The following LDLRAD4 variants were observed in gnomAD, a reference collection of about 807,000 sequenced individuals.
LDLRAD4 encodes the protein low-density lipoprotein receptor class A domain-containing protein 4.
Under a neutral mutation model 17.0 loss-of-function variants are expected in LDLRAD4, and 5 were observed. The ratio of observed to expected loss-of-function variants is 0.29; its 90% confidence interval spans 0.15 to 0.62. The LOEUF (loss-of-function observed/expected upper bound fraction) is 0.62, where lower values mean the gene tolerates loss of function less well. Among genes scored for constraint, LDLRAD4 ranks in the 20% least tolerant of loss-of-function variants. The pLI is 0.84. For missense variants in LDLRAD4, 340 were observed against 424.7 expected (o/e 0.80, Z 1.75); for synonymous variants, 168 against 171.8 (o/e 0.98, Z 0.17).
At chr18:13,453,805 G>A (rs868020392) in intron 3 of LDLRAD4, among the ~76,000 whole-genome samples, 6 of 152,206 alleles carry the variant, frequency 3.9e-5, no homozygotes, top group Middle Eastern at 6.8e-3. Context: ...TCCCAGCCCC[G>A]TCCCCAGTAC....
intron 1 of LDLRAD4, among the ~76,000 whole-genome samples, chr18:13,386,930 AGATAGATAGATAGATAGATG>A (rs1031647437): frequency 6.8e-6 from 1 of 147,748 alleles, no homozygotes; most frequent in Non-Finnish European, 1.5e-5. Context: ...ATAGATAGAT[AGATAGATAGATAGATAGATG>A]GATGGATGGA....
At chr18:13,499,070 A>G (rs7226747) in intron 3 of LDLRAD4, among the ~76,000 whole-genome samples, 2,922 of 145,658 alleles carry the variant, frequency 0.02, 84 homozygotes, top group African/African-American at 0.07. Context: ...CCTTCTCGCC[A>G]TACACATCCC....
intron 1 of LDLRAD4, among the ~76,000 whole-genome samples, chr18:13,359,718 A>G (rs1193446362): frequency 6.6e-6 from 1 of 152,226 alleles, no homozygotes; most frequent in Non-Finnish European, 1.5e-5. Flanking sequence ...TGGTCTTATC[A>G]TCACAGAGAT....
chr18:13,621,251 C>G lies in LDLRAD4; in HGVS notation c.316C>G (p.Arg106Gly), dbSNP rs148805632. 3 of 1,612,810 alleles carry G rather than the reference C, an allele frequency of 1.9e-6. No homozygotes were observed. Among genetic ancestry groups the G allele is most frequent in the Non-Finnish European group, 2.5e-6 (3 of 1,179,846 alleles). ...CAACCGCCCGAACCAGAGCCGGAGG[C>G]GGGAGGACGGGCTGCCGCAGGTGAG... The change falls in exon 4 of 6, where the codon CGG (arginine) becomes GGG (glycine). Residue 106 changes from arginine (R) to glycine (G), a missense_variant. Coordinates refer to ENST00000359446, the Ensembl canonical transcript of LDLRAD4. This position sits in a 1 kb window ranked among gnomAD's most constrained non-coding sequence, Gnocchi z 5.5.
At chr18:13,238,684 C>G (rs1245607200) in intron 1 of LDLRAD4, among the ~76,000 whole-genome samples, 1 of 152,156 alleles carries the variant, frequency 6.6e-6, no homozygotes, top group Non-Finnish European at 1.5e-5. Context: ...ATCTGGGTTA[C>G]TTTTAGGATC....
At chr18:13,559,921 G>A (rs567702252) in intron 3 of LDLRAD4, among the ~76,000 whole-genome samples, 141 of 152,052 alleles carry the variant, frequency 9.3e-4, no homozygotes, top group African/African-American at 3.1e-3. Context: ...TGACCAAGAA[G>A]TGCCTATCTT....
intron 3 of LDLRAD4, among the ~76,000 whole-genome samples, chr18:13,459,653 G>A (rs568104105): frequency 5.3e-5 from 8 of 152,234 alleles, no homozygotes; most frequent in African/African-American, 1.9e-4. Flanking sequence ...AAAGTGCTGG[G>A]ATTACAGCTG....
At chr18:13,346,616 A>G (rs1458229017) in intron 1 of LDLRAD4, among the ~76,000 whole-genome samples, 1 of 152,178 alleles carries the variant, frequency 6.6e-6, no homozygotes, top group Non-Finnish European at 1.5e-5. Context: ...AGCTGAGTTC[A>G]ATTCCTGGAC....
intron 3 of LDLRAD4, among the ~76,000 whole-genome samples, chr18:13,552,003 C>A (rs992756572): frequency 1.3e-5 from 2 of 152,094 alleles, no homozygotes; most frequent in Non-Finnish European, 2.9e-5. Flanking sequence ...GCTTTAATAA[C>A]CAGATATCCT....
chr18:13,441,502 G>A (rs570186054), intron 3 of LDLRAD4, among the ~76,000 whole-genome samples: 1 of 152,226 alleles, frequency 6.6e-6, no homozygotes, highest in African/African-American at 2.4e-5. Context: ...GTTCCCACCT[G>A]GGGGATATAC....
chr18:13,325,662 G>T (rs530170086), intron 1 of LDLRAD4, among the ~76,000 whole-genome samples: 1 of 152,174 alleles, frequency 6.6e-6, no homozygotes. Context: ...ACTCAGCTTC[G>T]CTGCGCACCC....
chr18:13,594,195 G>A (rs1179932250), intron 3 of LDLRAD4, among the ~76,000 whole-genome samples: 1 of 152,148 alleles, frequency 6.6e-6, no homozygotes, highest in Non-Finnish European at 1.5e-5. Context: ...TAGAGCAGGT[G>A]TGTGCCATGA....
intron 3 of LDLRAD4, among the ~76,000 whole-genome samples, chr18:13,441,997 T>C (rs370327708): frequency 6.6e-6 from 1 of 152,238 alleles, no homozygotes; most frequent in South Asian, 2.1e-4. Context: ...AGAGGAAATA[T>C]GCTGTCAGCC....
intron 3 of LDLRAD4, among the ~76,000 whole-genome samples, chr18:13,567,453 C>T (rs563600638): frequency 2.0e-5 from 3 of 152,160 alleles, no homozygotes; most frequent in South Asian, 2.1e-4. Context: ...GTCACCACCC[C>T]CCGCCGCTGC....
At chr18:13,302,005 T>G (rs1197876703) in intron 1 of LDLRAD4, among the ~76,000 whole-genome samples, 2 of 152,226 alleles carry the variant, frequency 1.3e-5, no homozygotes, top group African/African-American at 4.8e-5. Context: ...CCCTCCCAGA[T>G]ACGTACATAT....
In LDLRAD4 at chr18:13,621,036, G is replaced by T; in HGVS notation, c.182-81G>T. The T allele has an allele frequency of 6.2e-7, 1 of 1,602,406 alleles. No homozygotes were observed. The highest frequency in any genetic ancestry group is 1.3e-5 in the African/African-American group (1 of 74,892). On this transcript the variant is annotated intron_variant, in intron 3 of 5. Coordinates refer to ENST00000359446, the Ensembl canonical transcript of LDLRAD4. The surrounding 1 kb of genome is among the most constrained non-coding windows in gnomAD (Gnocchi z 5.5). ...GTGTGAGAGGCCTTCAGGGCCTGAT[G>T]GCTGGGGTGGTGACAGTGCCTGGAG...
At chr18:13,551,189 A>G (rs1255287373) in intron 3 of LDLRAD4, among the ~76,000 whole-genome samples, 1 of 152,176 alleles carries the variant, frequency 6.6e-6, no homozygotes, top group Non-Finnish European at 1.5e-5. Flanking sequence ...GGGTGCCAAC[A>G]GCAACCCTCT....
At chr18:13,260,603 T>G (rs1639269487) in intron 1 of LDLRAD4, among the ~76,000 whole-genome samples, 1 of 152,224 alleles carries the variant, frequency 6.6e-6, no homozygotes, top group African/African-American at 2.4e-5. Context: ...TTTCTCTGAC[T>G]CAGCCGACTA....
chr18:13,401,370 G>GAA (rs10575892), intron 2 of LDLRAD4, among the ~76,000 whole-genome samples: 4 of 142,368 alleles, frequency 2.8e-5, no homozygotes, highest in Non-Finnish European at 1.5e-5. Flanking sequence ...TCATCGCTTT[G>GAA]AAAAAAAAAA....
Sources: allele counts gnomAD v4.1 joint callset (sites outside exome capture counted in the v4.1 genomes callset), GRCh38; gene constraint gnomAD v4.1.1; non-coding constraint Gnocchi (gnomAD v3.1); transcripts MANE v1.5; gene names NCBI Gene and HGNC (gene_info 2026-07-23, HGNC 2026-07-21).